Variants in DPY19L2 observed in about 807,000 individuals in gnomAD.
DPY19L2 encodes the protein probable C-mannosyltransferase DPY19L2.
DPY19L2 carries 34 observed loss-of-function variants against 97.9 expected under a neutral mutation model. That is an observed-to-expected ratio of 0.35 (90% CI 0.26 to 0.46). DPY19L2 has a LOEUF of 0.46. DPY19L2 is among the 20% of genes least tolerant of loss of function. DPY19L2 has a pLI of 1.00. For missense variants in DPY19L2, 623 were observed against 911.4 expected, an observed-to-expected ratio of 0.68 and a Z score of 4.07; for synonymous variants, 230 against 307.9, an observed-to-expected ratio of 0.75 and a Z score of 2.65.
At chr12:63,581,735 G>A (rs1240830401) in intron 18 of DPY19L2, among the ~76,000 whole-genome samples, 2 of 150,510 alleles carry the variant, frequency 1.3e-5, no homozygotes, top group South Asian at 2.1e-4. Context: ...TGCCCACCTC[G>A]GCCTTCCAAA....
chr12:63,592,740 A>T (rs1369459309), intron 16 of DPY19L2, among the ~76,000 whole-genome samples: 2,190 of 151,086 alleles, frequency 0.014, 20 homozygotes, highest in Non-Finnish European at 0.02. Flanking sequence ...CAAGGACTTC[A>T]TGTCTAAAAC....
At chr12:63,610,875 A>AAAAAC (rs1367187433) in intron 11 of DPY19L2, among the ~76,000 whole-genome samples, 4 of 103,494 alleles carry the variant, frequency 3.9e-5, no homozygotes, top group East Asian at 8.9e-4. Context: ...AAAAAAAAAA[A>AAAAAC]CCACACACAC....
chr12:63,632,921 A>G (rs994139102), intron 6 of DPY19L2, among the ~76,000 whole-genome samples: 5 of 152,088 alleles, frequency 3.3e-5, no homozygotes, highest in African/African-American at 1.2e-4. Flanking sequence ...CATATCTACA[A>G]CCATCTGATC....
chr12:63,659,318 T>C (rs952039279), intron 4 of DPY19L2, among the ~76,000 whole-genome samples: 7 of 152,104 alleles, frequency 4.6e-5, no homozygotes, highest in African/African-American at 1.7e-4. Flanking sequence ...AGACTGTACA[T>C]TGAAAAAATA....
chr12:63,608,541 C>T (rs1432881797), intron 12 of DPY19L2, 75 bp downstream of exon 12: 1 of 1,235,024 alleles, frequency 8.1e-7, no homozygotes, highest in African/African-American at 1.5e-5. Context: ...CATTTTAAAG[C>T]ATATTAACTG....
intron 11 of DPY19L2, among the ~76,000 whole-genome samples, chr12:63,611,950 A>G (rs1887076612): frequency 6.6e-6 from 1 of 152,088 alleles, no homozygotes; most frequent in Non-Finnish European, 1.5e-5. Flanking sequence ...AGAAACATAA[A>G]GAAAGCTATA....
intron 21 of DPY19L2, among the ~76,000 whole-genome samples, chr12:63,565,755 T>C (rs1157047432): frequency 1.3e-5 from 2 of 152,140 alleles, no homozygotes; most frequent in Non-Finnish European, 2.9e-5. Flanking sequence ...ATCTCCCTTT[T>C]CCACTTCTTC....
chr12:63,622,465 A>C (rs2137815425), intron 8 of DPY19L2, among the ~76,000 whole-genome samples: 1 of 152,290 alleles, frequency 6.6e-6, no homozygotes, highest in Middle Eastern at 3.4e-3. Flanking sequence ...AGAAATCAGA[A>C]GTTAGCCTGC....
At chr12:63,650,755 A>G (rs1894094874) in intron 4 of DPY19L2, among the ~76,000 whole-genome samples, 1 of 152,156 alleles carries the variant, frequency 6.6e-6, no homozygotes, top group African/African-American at 2.4e-5. Flanking sequence ...TGTTAAAATC[A>G]CCATATTACC....
intron 6 of DPY19L2, among the ~76,000 whole-genome samples, chr12:63,628,117 C>A (rs747246479): frequency 2.6e-5 from 4 of 152,102 alleles, no homozygotes; most frequent in Admixed American, 2.6e-4. Context: ...GGAACAGCTC[C>A]AGTCTACAGC....
rs1883679898 is a variant in DPY19L2, at chr12:63,594,134, CTG to C, written c.1534-3_1534-2del. 6.5e-7 allele frequency: 1 copy of C among 1,537,834 alleles called. No individual in the cohort carries two copies. The highest frequency in any genetic ancestry group is 1.4e-5 in the African/African-American group (1 of 72,634). ...AAACATATGAAATATCACGAACAGT[CTG>C]TGAATAGAATCAAATCAATGAAACT... is the stretch of plus-strand genomic sequence containing the variant. On this transcript the variant is annotated splice_acceptor_variant and splice_polypyrimidine_tract_variant and intron_variant, in intron 15 of 21. Transcript: ENST00000324472. LOFTEE classifies it high-confidence loss of function.
chr12:63,597,241 C>G (rs894994417), intron 14 of DPY19L2, among the ~76,000 whole-genome samples: 18 of 152,000 alleles, frequency 1.2e-4, no homozygotes, highest in African/African-American at 4.1e-4. Context: ...TCCCTAAGTG[C>G]TGGGATTACA....
chr12:63,612,072 G>C (rs1184578587), intron 11 of DPY19L2, among the ~76,000 whole-genome samples: 1 of 151,916 alleles, frequency 6.6e-6, no homozygotes, highest in African/African-American at 2.4e-5. Context: ...GAAAGCGTAG[G>C]GATGTCAACA....
intron 3 of DPY19L2, among the ~76,000 whole-genome samples, chr12:63,662,667 T>G: frequency 6.6e-6 from 1 of 152,166 alleles, no homozygotes; most frequent in East Asian, 1.9e-4. Flanking sequence ...CATCATTCAA[T>G]AAAGCGCAGA....
intron 21 of DPY19L2, among the ~76,000 whole-genome samples, chr12:63,562,507 T>C (rs998480609): frequency 6.6e-6 from 1 of 151,068 alleles, no homozygotes; most frequent in African/African-American, 2.5e-5. Context: ...ATTACTGGGA[T>C]GGATATATGC....
chr12:63,578,681 T>C (rs989875289), intron 19 of DPY19L2, among the ~76,000 whole-genome samples: 3 of 152,118 alleles, frequency 2.0e-5, no homozygotes, highest in African/African-American at 7.2e-5. Flanking sequence ...AATGAAAATT[T>C]CTTTATATGC....
intron 11 of DPY19L2, among the ~76,000 whole-genome samples, chr12:63,609,943 G>A (rs190734210): frequency 6.7e-4 from 102 of 152,130 alleles, no homozygotes; most frequent in African/African-American, 2.3e-3. Flanking sequence ...TTGCAACATT[G>A]TTTGTAAATG....
chr12:63,629,372 G>T (rs1890166219), intron 6 of DPY19L2, among the ~76,000 whole-genome samples: 2 of 152,124 alleles, frequency 1.3e-5, no homozygotes, highest in Non-Finnish European at 2.9e-5. Context: ...AGTCCTTAAA[G>T]GACCGGATGC....
At chr12:63,633,909 T>G (rs569331395) in intron 6 of DPY19L2, among the ~76,000 whole-genome samples, 19 of 152,258 alleles carry the variant, frequency 1.2e-4, no homozygotes, top group African/African-American at 4.1e-4. Context: ...TCACATCCTT[T>G]GTAGGGACAT....
Sources: gnomAD v4.1 joint callset for allele counts (sites outside exome capture counted in the v4.1 genomes callset) on GRCh38, gnomAD v4.1.1 for gene constraint, MANE v1.5 for transcripts, NCBI Gene and HGNC (gene_info 2026-07-23, HGNC 2026-07-21) for gene names.